Variants in SLC10A7 observed in about 807,000 individuals in gnomAD.
The protein encoded by SLC10A7 is solute carrier family 10 member 7, also known as sodium/bile acid cotransporter 7.
SLC10A7 carries 29 observed loss-of-function variants against 43.2 expected under a neutral mutation model. The ratio of observed to expected loss-of-function variants is 0.67; its 90% CI spans 0.50 to 0.92. The LOEUF (loss-of-function observed/expected upper bound fraction) is 0.92. Among genes scored for constraint, SLC10A7 ranks in the 40% least tolerant of loss-of-function variants. The probability of loss-of-function intolerance (pLI) is 0.00; values close to 1 mark genes in which losing one functional copy is unlikely to be tolerated. For missense variants in SLC10A7, 295 were observed against 403.2 expected (o/e 0.73, Z 2.30); for synonymous variants, 152 against 144.8 (o/e 1.05, Z -0.35).
At chr4:146,292,859 C>T in intron 9 of SLC10A7, 70 bp downstream of exon 9, 1 of 1,079,776 alleles carries the variant, frequency 9.3e-7, no homozygotes, top group South Asian at 1.4e-5. Context: ...TGTATAGTGG[C>T]ATAGTAGCCA....
intron 2 of SLC10A7, among the ~76,000 whole-genome samples, chr4:146,510,397 C>A (rs2150045268): frequency 6.6e-6 from 1 of 151,866 alleles, no homozygotes; most frequent in South Asian, 2.1e-4. Flanking sequence ...GTAGTTTGGA[C>A]TACAGGTGCC....
intron 5 of SLC10A7, among the ~76,000 whole-genome samples, chr4:146,374,628 A>G: frequency 7.5e-6 from 1 of 132,726 alleles, no homozygotes; most frequent in African/African-American, 2.9e-5. Context: ...ATACACACAC[A>G]CACACACACA....
chr4:146,364,823 T>C (rs1402947084), intron 5 of SLC10A7, among the ~76,000 whole-genome samples: 1 of 152,148 alleles, frequency 6.6e-6, no homozygotes, highest in East Asian at 1.9e-4. Context: ...CTTGGAATGA[T>C]GGGTATCCCA....
chr4:146,299,643 T>C (rs923486086), intron 7 of SLC10A7, among the ~76,000 whole-genome samples: 2 of 151,998 alleles, frequency 1.3e-5, no homozygotes, highest in Non-Finnish European at 1.5e-5. Flanking sequence ...GAGACGTGAG[T>C]GCAATGGGCA....
At chr4:146,271,678 T>C (rs1181656777) in intron 10 of SLC10A7, among the ~76,000 whole-genome samples, 1 of 152,152 alleles carries the variant, frequency 6.6e-6, no homozygotes, top group Non-Finnish European at 1.5e-5. Context: ...GTCCCTACAA[T>C]GGCCAATAAG....
intron 5 of SLC10A7, among the ~76,000 whole-genome samples, chr4:146,354,639 T>C (rs1189355858): frequency 2.7e-5 from 4 of 150,920 alleles, no homozygotes; most frequent in Non-Finnish European, 5.9e-5. Context: ...CTTCAAACTA[T>C]ACTACAAGGC....
intron 10 of SLC10A7, among the ~76,000 whole-genome samples, chr4:146,264,459 C>CCATTCATT (rs139509340): frequency 4.6e-5 from 7 of 151,986 alleles, no homozygotes; most frequent in South Asian, 4.2e-4. Flanking sequence ...TATGTTCCTA[C>CCATTCATT]CATTCATTCA....
intron 5 of SLC10A7, among the ~76,000 whole-genome samples, chr4:146,435,915 T>C (rs1427002061): frequency 6.6e-6 from 1 of 152,106 alleles, no homozygotes; most frequent in Non-Finnish European, 1.5e-5. Context: ...TTGGGACTGA[T>C]GATGTTTCAA....
intron 5 of SLC10A7, among the ~76,000 whole-genome samples, chr4:146,345,740 G>A (rs557885742): frequency 6.9e-4 from 105 of 152,192 alleles, no homozygotes; most frequent in Admixed American, 1.3e-3. Context: ...AAGGGACCAT[G>A]CTTATTTTTA....
chr4:146,406,294 G>C (rs556949157), intron 5 of SLC10A7, among the ~76,000 whole-genome samples: 2 of 152,196 alleles, frequency 1.3e-5, no homozygotes, highest in East Asian at 3.9e-4. Flanking sequence ...GGGATCTCAG[G>C]TCCCTAGGCT....
intron 5 of SLC10A7, among the ~76,000 whole-genome samples, chr4:146,377,576 A>G (rs888840201): frequency 5.3e-5 from 8 of 152,184 alleles, no homozygotes; most frequent in Non-Finnish European, 1.2e-4. Context: ...CCATCTCATT[A>G]TCACTCTGGA....
At chr4:146,297,811 AC>A (rs1330074425) in intron 7 of SLC10A7, among the ~76,000 whole-genome samples, 1 of 152,218 alleles carries the variant, frequency 6.6e-6, no homozygotes, top group Admixed American at 6.5e-5. Context: ...TGGCAAAAAA[AC>A]ATAAACAATA....
intron 10 of SLC10A7, among the ~76,000 whole-genome samples, chr4:146,280,274 T>C (rs1432511533): frequency 6.6e-6 from 1 of 152,226 alleles, no homozygotes; most frequent in East Asian, 1.9e-4. Context: ...AGTTATATTA[T>C]AATCTGTTAT....
intron 6 of SLC10A7, among the ~76,000 whole-genome samples, chr4:146,316,347 G>A (rs1732321971): frequency 6.6e-6 from 1 of 151,196 alleles, no homozygotes; most frequent in African/African-American, 2.5e-5. Flanking sequence ...AAACCCCCTG[G>A]GTGCTGGTAT....
chr4:146,465,033 A>G (rs1312017857), intron 4 of SLC10A7, among the ~76,000 whole-genome samples: 1 of 152,134 alleles, frequency 6.6e-6, no homozygotes, highest in Non-Finnish European at 1.5e-5. Context: ...ATCCCACTAG[A>G]ATTTTCAGAG....
chr4:146,384,224 A>G (rs899234448), intron 5 of SLC10A7, among the ~76,000 whole-genome samples: 13 of 152,184 alleles, frequency 8.5e-5, no homozygotes, highest in African/African-American at 3.1e-4. Flanking sequence ...ATTAATACAG[A>G]ATATAAAATG....
chr4:146,391,246 A>C (rs1213667754), intron 5 of SLC10A7, among the ~76,000 whole-genome samples: 1 of 152,356 alleles, frequency 6.6e-6, no homozygotes, highest in South Asian at 2.1e-4. Flanking sequence ...ATTATATAAA[A>C]TATACCAGTT....
At chr4:146,446,155 C>T (rs1387520512) in intron 4 of SLC10A7, among the ~76,000 whole-genome samples, 2 of 152,064 alleles carry the variant, frequency 1.3e-5, no homozygotes, top group African/African-American at 2.4e-5. Flanking sequence ...TTTCAATGAC[C>T]TTCCCCCAAC....
intron 4 of SLC10A7, among the ~76,000 whole-genome samples, chr4:146,499,300 C>T (rs1257433940): frequency 2.0e-5 from 3 of 152,044 alleles, no homozygotes; most frequent in Non-Finnish European, 2.9e-5. Flanking sequence ...AGTACAGAGC[C>T]GCTACATGCA....
Sources: gnomAD v4.1 joint callset for allele counts (sites outside exome capture counted in the v4.1 genomes callset) on GRCh38, gnomAD v4.1.1 for gene constraint, MANE v1.5 for transcripts, NCBI Gene and HGNC (gene_info 2026-07-23, HGNC 2026-07-21) for gene names.